Variants in TXK observed in about 807,000 individuals in gnomAD.
The protein encoded by TXK is tyrosine-protein kinase TXK.
TXK carries 60 observed loss-of-function variants against 81.0 expected under a neutral mutation model. The observed-to-expected ratio is 0.74, with a 90% CI of 0.60 to 0.92. The LOEUF (loss-of-function observed/expected upper bound fraction) is 0.92. TXK is among the 40% of genes least tolerant of loss of function. The probability of loss-of-function intolerance (pLI) is 0.00; values close to 1 mark genes in which losing one functional copy is unlikely to be tolerated. For synonymous variants in TXK, 203 were observed against 210.7 expected (o/e 0.96, Z 0.32); for missense variants, 581 against 638.3 (o/e 0.91, Z 0.97).
At chr4:48,107,130 T>C (rs1254171560) in intron 5 of TXK, among the ~76,000 whole-genome samples, 1 of 151,454 alleles carries the variant, frequency 6.6e-6, no homozygotes, top group East Asian at 1.9e-4. Context: ...AGCTTATAAA[T>C]AGGACTGATT....
intron 3 of TXK, 112 bp downstream of exon 3, chr4:48,113,095 T>C: frequency 1.5e-6 from 1 of 652,072 alleles, no homozygotes; most frequent in Non-Finnish European, 2.6e-6. Flanking sequence ...TGAGCACTTA[T>C]TTTATGCCAA....
At chr4:48,093,189 C>T (rs1717844677) in intron 8 of TXK, among the ~76,000 whole-genome samples, 1 of 152,154 alleles carries the variant, frequency 6.6e-6, no homozygotes, top group Admixed American at 6.5e-5. Flanking sequence ...CAGTGAATAG[C>T]CATGTGGATG....
At chr4:48,127,391 A>C (rs1036554441) in intron 1 of TXK, among the ~76,000 whole-genome samples, 1 of 152,240 alleles carries the variant, frequency 6.6e-6, no homozygotes, top group Admixed American at 6.5e-5. Flanking sequence ...GTAAATAGAC[A>C]GCGCCCTTCC....
rs540210440 is a variant in TXK at position 48,080,107 on chromosome 4, T to C, written c.978A>G (p.Leu326=). The change falls in exon 11 of 15, where the codon CTA becomes CTG. Residue 326 remains leucine (L), a synonymous_variant. Coordinates refer to ENST00000264316, the MANE Select transcript of TXK (RefSeq NM_003328.3). ...KVMMKLSHSK[L]VQLYGVCIQR... ...GTATACAGACTCCATAAAGTTGCAC[T>C]AGCTTTGAATGAGATAATTTCCTGG... The C allele has an allele frequency of 6.2e-7, 1 of 1,613,426 alleles. No individual in the cohort carries two copies. The highest frequency in any genetic ancestry group is 1.3e-5 in the African/African-American group (1 of 75,046).
chr4:48,112,829 T>C (rs1718679505), intron 3 of TXK, among the ~76,000 whole-genome samples: 2 of 152,134 alleles, frequency 1.3e-5, no homozygotes, highest in African/African-American at 4.8e-5. Context: ...GGATTTTTTT[T>C]CTCCTTAAAA....
intron 4 of TXK, among the ~76,000 whole-genome samples, chr4:48,112,104 C>T (rs1718651612): frequency 1.3e-5 from 2 of 152,158 alleles, no homozygotes; most frequent in South Asian, 2.1e-4. Flanking sequence ...CAATAGTAAG[C>T]GGCAGCATCA....
intron 5 of TXK, among the ~76,000 whole-genome samples, chr4:48,109,613 T>C (rs1227621049): frequency 6.6e-6 from 1 of 152,192 alleles, no homozygotes; most frequent in Non-Finnish European, 1.5e-5. Context: ...AGAAATCTCA[T>C]AGAGTAATGT....
intron 8 of TXK, 90 bp from the exon 9 acceptor site, chr4:48,089,914 A>T: frequency 1.1e-6 from 1 of 881,020 alleles, no homozygotes; most frequent in Non-Finnish European, 1.7e-6. Context: ...CATTCTTTAA[A>T]TAATTAGACA....
intron 8 of TXK, among the ~76,000 whole-genome samples, chr4:48,090,617 T>G (rs1405869426): frequency 2.6e-5 from 4 of 152,220 alleles, no homozygotes; most frequent in Non-Finnish European, 5.9e-5. Flanking sequence ...AAGCCTGGTA[T>G]GCGCTTTCAA....
chr4:48,125,373 T>G (rs539111604), intron 1 of TXK, among the ~76,000 whole-genome samples: 4 of 152,342 alleles, frequency 2.6e-5, no homozygotes, highest in Middle Eastern at 3.4e-3. Context: ...ACAAAATACA[T>G]TTAAGGTAAC....
At chr4:48,083,645 T>G (rs1238967223) in intron 10 of TXK, among the ~76,000 whole-genome samples, 1 of 152,234 alleles carries the variant, frequency 6.6e-6, no homozygotes, top group Non-Finnish European at 1.5e-5. Context: ...CTTGGAGTTG[T>G]GGTGAGGATT....
chr4:48,126,995 TC>T (rs762155089), intron 1 of TXK, among the ~76,000 whole-genome samples: 9 of 152,186 alleles, frequency 5.9e-5, no homozygotes, highest in Non-Finnish European at 1.2e-4. Flanking sequence ...TTCTTATGTT[TC>T]CTGATTCAAT....
At chr4:48,111,925 T>C (rs1718644859) in intron 4 of TXK, among the ~76,000 whole-genome samples, 1 of 152,188 alleles carries the variant, frequency 6.6e-6, no homozygotes, top group Admixed American at 6.5e-5. Context: ...TAAAAGTGAA[T>C]AAAATACTAT....
rs578103851 is a variant in TXK, at chr4:48,095,367, A to C, written c.502-145T>G. 13 of 619,692 alleles carry C rather than the reference A, an allele frequency of 2.1e-5. No homozygotes were observed. In the East Asian group the frequency reaches 3.4e-4, roughly 16 times the overall value. 38.4% of individuals were successfully genotyped at this position (619,692 alleles called of 1,614,324 possible). A position where few individuals can be genotyped will look rare whatever the true frequency, so the allele number is the denominator to read the frequency against. On this transcript the variant is annotated intron_variant, in intron 6 of 14. Coordinates refer to ENST00000264316, the MANE Select transcript of TXK (RefSeq NM_003328.3). ...TAATATGAAGAATTAGATTGTCTTTACAAGTACACAAAATCTTATCTCCCT... is the reference window on the plus strand; with the variant it reads ...TAATATGAAGAATTAGATTGTCTTTCCAAGTACACAAAATCTTATCTCCCT...
Position 48,107,352 on chromosome 4 carries a change from C to T in TXK, c.447-2397G>A, listed in dbSNP as rs142328065. ...GTTCCTCTGAAATATCAGAACTCCA[C>T]ATTGACACAGCATTCCTTCCACCAT... On this transcript the variant is annotated intron_variant, in intron 5 of 14. Transcript: ENST00000264316. Among the ~76,000 whole-genome samples the T allele has an allele frequency of 4.8e-4, 73 of 151,798 alleles. No individual in the cohort carries two copies. The East Asian group carries it at 8.9e-3, about 19-fold the overall frequency.
At chr4:48,124,241 C>T (rs941851109) in intron 1 of TXK, among the ~76,000 whole-genome samples, 6 of 152,084 alleles carry the variant, frequency 3.9e-5, no homozygotes, top group African/African-American at 1.4e-4. Flanking sequence ...CCTTTATGCA[C>T]TAGATGCCGG....
intron 10 of TXK, among the ~76,000 whole-genome samples, chr4:48,081,174 C>T (rs1717286296): frequency 6.6e-6 from 1 of 151,842 alleles, no homozygotes; most frequent in Admixed American, 6.6e-5. Context: ...TTAAGAGATG[C>T]AGTTTACATA....
rs57819050 is a variant in TXK at position 48,080,662 on chromosome 4, TCACACACACACACACA to T, written c.957-550_957-535del. On this transcript the variant is annotated intron_variant, in intron 10 of 14. Transcript: ENST00000264316. ...TGAAAACTTGCAGTGTATTTGGTAA[TCACACACACACACACA>T]CACACACACACACACACACACACAC... is the stretch of plus-strand genomic sequence containing the variant. 2.6e-4 allele frequency among the ~76,000 whole-genome samples: 38 copies of T among 144,576 alleles called. 1 individual carries two copies. The highest frequency in any genetic ancestry group is 8.7e-4 in the African/African-American group (34 of 38,920). 94.8% of individuals were successfully genotyped at this position (144,576 alleles called of 152,430 possible). A position where few individuals can be genotyped will look rare whatever the true frequency, so the allele number is the denominator to read the frequency against.
intron 12 of TXK, among the ~76,000 whole-genome samples, chr4:48,075,826 C>T (rs1052390127): frequency 6.6e-6 from 1 of 151,994 alleles, no homozygotes; most frequent in Non-Finnish European, 1.5e-5. Flanking sequence ...TATAGCCCCA[C>T]GAGACACAAG....
Sources: allele counts gnomAD v4.1 joint callset (sites outside exome capture counted in the v4.1 genomes callset), GRCh38; gene constraint gnomAD v4.1.1; transcripts MANE v1.5; gene names NCBI Gene and HGNC (gene_info 2026-07-23, HGNC 2026-07-21).